The following BACH2 variants were observed in gnomAD, a reference collection of about 807,000 sequenced individuals.
BACH2 encodes BACH transcriptional regulator 2.
In BACH2, 5 loss-of-function variants were observed where a neutral mutation model predicts 61.8. The ratio of observed to expected loss-of-function variants is 0.08; its 90% CI spans 0.04 to 0.17. BACH2 has a LOEUF of 0.17. Among genes scored for constraint, BACH2 ranks in the 10% least tolerant of loss-of-function variants. BACH2 has a pLI of 1.00. For missense variants in BACH2, 824 were observed against 1,091.1 expected (o/e 0.76, Z 3.45); for synonymous variants, 446 against 440.1 (o/e 1.01, Z -0.17).
intron 4 of BACH2, among the ~76,000 whole-genome samples, chr6:90,117,548 G>A (rs1013609708): frequency 2.7e-5 from 4 of 149,140 alleles, no homozygotes; most frequent in Non-Finnish European, 4.4e-5. Flanking sequence ...CTCATTTATA[G>A]CCTCCTCCAC....
At chr6:89,953,959 T>C (rs1459989224) in intron 6 of BACH2, among the ~76,000 whole-genome samples, 1 of 152,216 alleles carries the variant, frequency 6.6e-6, no homozygotes, top group East Asian at 1.9e-4. Context: ...TCAGCAAATG[T>C]AGTACTGACA....
At chr6:90,223,978 G>C (rs979276897) in intron 3 of BACH2, among the ~76,000 whole-genome samples, 6 of 152,162 alleles carry the variant, frequency 3.9e-5, no homozygotes, top group Non-Finnish European at 5.9e-5. Context: ...AAACGAAGCT[G>C]ACATGAACAT....
chr6:90,261,039 GA>G (rs1331720265), intron 2 of BACH2, among the ~76,000 whole-genome samples: 1 of 152,218 alleles, frequency 6.6e-6, no homozygotes, highest in Non-Finnish European at 1.5e-5. Flanking sequence ...GGTGGCTGCA[GA>G]GGGGCAGCAG....
At chr6:90,148,204 T>A (rs1336667231) in intron 4 of BACH2, among the ~76,000 whole-genome samples, 1 of 152,142 alleles carries the variant, frequency 6.6e-6, no homozygotes, top group African/African-American at 2.4e-5. Flanking sequence ...CATAGGAGAC[T>A]TGGAGCCACA....
At chr6:89,998,668 A>C (rs1377060189) in intron 6 of BACH2, among the ~76,000 whole-genome samples, 1 of 152,104 alleles carries the variant, frequency 6.6e-6, no homozygotes, top group African/African-American at 2.4e-5. Flanking sequence ...TGTGCTTTTA[A>C]GAACAGCCTT....
At chr6:90,264,451 T>C (rs1771262628) in intron 2 of BACH2, among the ~76,000 whole-genome samples, 1 of 152,212 alleles carries the variant, frequency 6.6e-6, no homozygotes. Flanking sequence ...ATGTTCTTCA[T>C]ATGATTCTTT....
chr6:90,264,625 C>T (rs1305535658), intron 2 of BACH2, among the ~76,000 whole-genome samples: 3 of 152,326 alleles, frequency 2.0e-5, no homozygotes, highest in Non-Finnish European at 2.9e-5. Flanking sequence ...TAACAAAAGA[C>T]ATGTTGTTGT....
intron 5 of BACH2, among the ~76,000 whole-genome samples, chr6:90,023,019 T>C (rs1168897264): frequency 6.6e-6 from 1 of 152,196 alleles, no homozygotes; most frequent in Non-Finnish European, 1.5e-5. Context: ...TATATATTCA[T>C]ATAACGGAAC....
intron 4 of BACH2, among the ~76,000 whole-genome samples, chr6:90,113,813 C>T (rs1180875502): frequency 5.9e-5 from 9 of 151,872 alleles, no homozygotes; most frequent in East Asian, 5.8e-4. Context: ...TCCAAATAAA[C>T]GCAATTAGAA....
intron 5 of BACH2, among the ~76,000 whole-genome samples, chr6:90,043,635 T>C (rs1275393597): frequency 6.6e-6 from 1 of 152,128 alleles, no homozygotes; most frequent in East Asian, 1.9e-4. Flanking sequence ...TCCCATAAGT[T>C]GGTTATATTC....
rs1202093573 is a variant in BACH2, at chr6:90,191,233, T to G, written c.-162+15336A>C. Among the ~76,000 whole-genome samples the G allele has an allele frequency of 2.0e-5, 3 of 152,326 alleles. No homozygotes were observed. The East Asian group carries it at 5.8e-4, about 29-fold the overall frequency. On this transcript the variant is annotated intron_variant, in intron 4 of 8. Coordinates refer to ENST00000257749, the MANE Select transcript of BACH2 (RefSeq NM_021813.4). ...GAAGTAGAAACCAGTTTTAAGGAACTGTAAGAGTTCTAAAGAACTCTAATT... is the reference window on the plus strand; with the variant it reads ...GAAGTAGAAACCAGTTTTAAGGAACGGTAAGAGTTCTAAAGAACTCTAATT...
At chr6:90,262,499 C>G (rs1314907161) in intron 2 of BACH2, among the ~76,000 whole-genome samples, 5 of 152,146 alleles carry the variant, frequency 3.3e-5, no homozygotes, top group African/African-American at 1.2e-4. Flanking sequence ...TGCCCTGTTC[C>G]TTTTTGACTA....
intron 6 of BACH2, among the ~76,000 whole-genome samples, chr6:89,982,756 C>T (rs1048156814): frequency 1.3e-5 from 2 of 152,014 alleles, no homozygotes; most frequent in African/African-American, 4.8e-5. Flanking sequence ...TTCTAGGCAA[C>T]GGTGTTTTGG....
chr6:90,122,871 A>G (rs758417548), intron 4 of BACH2, among the ~76,000 whole-genome samples: 2 of 152,208 alleles, frequency 1.3e-5, no homozygotes, highest in African/African-American at 4.8e-5. Context: ...TTTTCATGGG[A>G]GACCTTCCTA....
chr6:89,947,860 C>T lies in BACH2; in HGVS notation c.1836+2410G>A, dbSNP rs569662763. Reference sequence around the variant, plus strand: ...TGCTGGCATTACAGGTGTGAGCCACCGCGCCCAGCCATGGATTCCTTTTTT... The same window carrying T: ...TGCTGGCATTACAGGTGTGAGCCACTGCGCCCAGCCATGGATTCCTTTTTT... On this transcript the variant is annotated intron_variant, in intron 7 of 8. Transcript: ENST00000257749. Among the ~76,000 whole-genome samples the T allele has an allele frequency of 2.3e-3, 343 of 152,182 alleles. 4 individuals are homozygous for T. In the South Asian group the frequency reaches 0.023, roughly 10 times the overall value.
intron 4 of BACH2, among the ~76,000 whole-genome samples, chr6:90,195,050 C>T (rs1318880484): frequency 6.6e-6 from 1 of 152,206 alleles, no homozygotes; most frequent in Non-Finnish European, 1.5e-5. Context: ...ATCCCCAGCT[C>T]AGTTTCAATC....
chr6:90,049,932 GT>G (rs1562400246), intron 5 of BACH2, among the ~76,000 whole-genome samples: 1 of 152,182 alleles, frequency 6.6e-6, no homozygotes, highest in Non-Finnish European at 1.5e-5. Context: ...ACAAACTAAG[GT>G]TACTCAGACT....
At chr6:90,099,910 A>G (rs561150648) in intron 4 of BACH2, among the ~76,000 whole-genome samples, 1 of 152,254 alleles carries the variant, frequency 6.6e-6, no homozygotes, top group African/African-American at 2.4e-5. Context: ...AAGAAAACCT[A>G]CACCCATAGT....
intron 4 of BACH2, among the ~76,000 whole-genome samples, chr6:90,163,559 T>A (rs1275391385): frequency 1.3e-5 from 2 of 152,140 alleles, no homozygotes; most frequent in African/African-American, 2.4e-5. Context: ...ATCTAGACTA[T>A]TTTATAAAAT....
Sources: gnomAD v4.1 joint callset for allele counts (sites outside exome capture counted in the v4.1 genomes callset) on GRCh38, gnomAD v4.1.1 for gene constraint, MANE v1.5 for transcripts, NCBI Gene and HGNC (gene_info 2026-07-23, HGNC 2026-07-21) for gene names.